Variants in SLC9A9 observed in about 807,000 individuals in gnomAD.
SLC9A9 encodes the protein sodium/hydrogen exchanger 9.
A neutral mutation model predicts 77.8 loss-of-function variants in SLC9A9; 62 were observed. The ratio of observed to expected loss-of-function variants is 0.80; its 90% confidence interval spans 0.65 to 0.98. SLC9A9 has a LOEUF of 0.98. Ranked by LOEUF, SLC9A9 falls within the 50% of genes least tolerant of loss-of-function variation. SLC9A9 has a pLI of 0.00. For synonymous variants in SLC9A9, 320 were observed against 283.5 expected (o/e 1.13, Z -1.29); for missense variants, 775 against 774.9 (o/e 1.00, Z 0.00).
At chr3:143,391,597 T>C (rs191513940) in intron 12 of SLC9A9, among the ~76,000 whole-genome samples, 2 of 152,190 alleles carry the variant, frequency 1.3e-5, no homozygotes, top group African/African-American at 2.4e-5. Context: ...CAAAGCTGGA[T>C]GGAAAATGAC....
At chr3:143,611,750 T>C (rs1399086018) in intron 6 of SLC9A9, among the ~76,000 whole-genome samples, 1 of 152,112 alleles carries the variant, frequency 6.6e-6, no homozygotes, top group African/African-American at 2.4e-5. Flanking sequence ...CCCCTTATTT[T>C]TGAGACAGGG....
chr3:143,369,661 A>G (rs993034076), intron 13 of SLC9A9, among the ~76,000 whole-genome samples: 4 of 152,230 alleles, frequency 2.6e-5, no homozygotes, highest in African/African-American at 9.6e-5. Flanking sequence ...AATTAAAAAA[A>G]AATCTCTTTG....
chr3:143,268,290 C>T (rs888414824), intron 15 of SLC9A9, among the ~76,000 whole-genome samples: 2 of 152,182 alleles, frequency 1.3e-5, no homozygotes, highest in Non-Finnish European at 2.9e-5. Context: ...CTCAAAACCT[C>T]AAAACACAGC....
chr3:143,392,609 T>G (rs1176996158), intron 12 of SLC9A9, among the ~76,000 whole-genome samples: 2 of 152,124 alleles, frequency 1.3e-5, no homozygotes, highest in Non-Finnish European at 2.9e-5. Context: ...AACATTAACC[T>G]TAAATGTAAA....
chr3:143,491,480 A>G (rs1371585820), intron 11 of SLC9A9, among the ~76,000 whole-genome samples: 1 of 152,186 alleles, frequency 6.6e-6, no homozygotes, highest in Admixed American at 6.5e-5. Flanking sequence ...TTAATAAAAT[A>G]GCCATGGATC....
chr3:143,390,976 C>T (rs2033551476), intron 12 of SLC9A9, among the ~76,000 whole-genome samples: 2 of 152,328 alleles, frequency 1.3e-5, no homozygotes, highest in African/African-American at 2.4e-5. Flanking sequence ...GTGGAGCCCA[C>T]CGCAGCTCAA....
intron 4 of SLC9A9, among the ~76,000 whole-genome samples, chr3:143,761,891 C>T (rs1327426099): frequency 4.6e-5 from 7 of 152,264 alleles, no homozygotes; most frequent in African/African-American, 1.4e-4. Context: ...CACATGCACA[C>T]GTATGTTTAT....
At chr3:143,470,550 T>G (rs1220713922) in intron 11 of SLC9A9, among the ~76,000 whole-genome samples, 1 of 151,382 alleles carries the variant, frequency 6.6e-6, no homozygotes, top group East Asian at 1.9e-4. Context: ...CTCATAGTGA[T>G]AGAAATGTCC....
chr3:143,277,305 C>T (rs921898065), intron 14 of SLC9A9, among the ~76,000 whole-genome samples: 6 of 151,958 alleles, frequency 3.9e-5, no homozygotes, highest in Non-Finnish European at 7.4e-5. Flanking sequence ...TGTAGTCTCC[C>T]GACCAGCTGC....
At chr3:143,618,249 A>G (rs1455144151) in intron 6 of SLC9A9, among the ~76,000 whole-genome samples, 3 of 152,234 alleles carry the variant, frequency 2.0e-5, no homozygotes, top group Non-Finnish European at 4.4e-5. Flanking sequence ...TATGTGGCCA[A>G]CTGATTGAAC....
chr3:143,356,189 A>G (rs963419476), intron 14 of SLC9A9, among the ~76,000 whole-genome samples: 2 of 152,186 alleles, frequency 1.3e-5, no homozygotes, highest in African/African-American at 4.8e-5. Flanking sequence ...GTTTTATACC[A>G]ACTACAGAAT....
At chr3:143,341,904 A>C (rs1006644744) in intron 14 of SLC9A9, among the ~76,000 whole-genome samples, 25 of 152,200 alleles carry the variant, frequency 1.6e-4, no homozygotes, top group African/African-American at 6.0e-4. Flanking sequence ...AAAAGAATGC[A>C]CACTTTTGAA....
At chr3:143,665,556 G>T (rs1204990383) in intron 5 of SLC9A9, among the ~76,000 whole-genome samples, 4 of 151,822 alleles carry the variant, frequency 2.6e-5, no homozygotes, top group Non-Finnish European at 4.4e-5. Flanking sequence ...AGTTTTTTTT[G>T]AAAAGATCAA....
At chr3:143,730,406 C>A (rs541884478) in intron 4 of SLC9A9, among the ~76,000 whole-genome samples, 14 of 152,316 alleles carry the variant, frequency 9.2e-5, no homozygotes, top group African/African-American at 2.6e-4. Context: ...ACAAGGCCTG[C>A]CTCTCTGCAT....
chr3:143,325,638 ACC>A (rs2031572331), intron 14 of SLC9A9, among the ~76,000 whole-genome samples: 1 of 152,132 alleles, frequency 6.6e-6, no homozygotes. Flanking sequence ...AGCCAGAGAC[ACC>A]CTTGGAAGGC....
chr3:143,507,476 G>A (rs918257388), intron 9 of SLC9A9, among the ~76,000 whole-genome samples: 1 of 152,102 alleles, frequency 6.6e-6, no homozygotes, highest in Admixed American at 6.5e-5. Flanking sequence ...CAAAGTGCTA[G>A]GATTACAGGC....
At chr3:143,284,009 G>A (rs1043432957) in intron 14 of SLC9A9, among the ~76,000 whole-genome samples, 1 of 150,536 alleles carries the variant, frequency 6.6e-6, no homozygotes, top group African/African-American at 2.4e-5. Flanking sequence ...AGTTTGTTGT[G>A]TGTCCACTTT....
intron 1 of SLC9A9, among the ~76,000 whole-genome samples, chr3:143,841,975 G>A (rs975504388): frequency 6.6e-6 from 1 of 152,050 alleles, no homozygotes; most frequent in African/African-American, 2.4e-5. Context: ...GGCTGCTCTC[G>A]AACTCCTGAC....
chr3:143,747,098 C>T (rs1464364357), intron 4 of SLC9A9, among the ~76,000 whole-genome samples: 1 of 152,074 alleles, frequency 6.6e-6, no homozygotes, highest in Non-Finnish European at 1.5e-5. Context: ...ATAAATGTTA[C>T]CTTATATAAA....
Sources: allele counts gnomAD v4.1 joint callset (sites outside exome capture counted in the v4.1 genomes callset), GRCh38; gene constraint gnomAD v4.1.1; transcripts MANE v1.5; gene names NCBI Gene and HGNC (gene_info 2026-07-23, HGNC 2026-07-21).